Variants in GLYR1 observed in about 807,000 individuals in gnomAD.
GLYR1 encodes the protein glyoxylate reductase 1 homolog, also known as cytokine-like nuclear factor N-PAC.
A neutral mutation model predicts 72.7 loss-of-function variants in GLYR1; 21 were observed. The ratio of observed to expected loss-of-function variants is 0.29; its 90% confidence interval spans 0.20 to 0.42. GLYR1 has a LOEUF of 0.42. Ranked by LOEUF, GLYR1 falls within the 10% of genes least tolerant of loss-of-function variation. The pLI is 1.00. For synonymous variants in GLYR1, 392 were observed against 270.2 expected, an observed-to-expected ratio of 1.45 and a Z score of -4.42; for missense variants, 594 against 712.1, an observed-to-expected ratio of 0.83 and a Z score of 1.89.
rs758472838 is a variant in GLYR1, at chr16:4,833,561, C to T, written c.156-649G>A. Among the ~76,000 whole-genome samples the T allele has an allele frequency of 4.5e-4, 68 of 150,808 alleles. 2 individuals carry two copies. Among genetic ancestry groups the T allele is most frequent in the Admixed American group, 4.3e-3 (65 of 15,114 alleles). On this transcript the variant is annotated intron_variant, in intron 3 of 15. Coordinates refer to ENST00000321919, the MANE Select transcript of GLYR1 (RefSeq NM_032569.4). Reference sequence around the variant, plus strand: ...CATGGCTACTAAACCACACAAAACACGGAACACATGGTTTGGAATAAGGGC... The same window carrying T: ...CATGGCTACTAAACCACACAAAACATGGAACACATGGTTTGGAATAAGGGC...
rs1037027393 is a variant in GLYR1 at position 4,847,153 on chromosome 16, G to C, written c.38+75C>G. The C allele has an allele frequency of 8.5e-6, 12 of 1,408,830 alleles. No homozygotes were observed. The African/African-American group carries it at 1.7e-4, about 20-fold the overall frequency. The allele number at this position is 1,408,830 out of a possible 1,614,324, so 87.3% of individuals were successfully genotyped here. On this transcript the variant is annotated intron_variant, in intron 1 of 15. Transcript: ENST00000321919. Reference sequence around the variant, plus strand: ...TGGAGCGCATAAAAAGGCAGCTCCAGGGCCGGCAGCGAACCCCGCGCCCAG... The same window carrying C: ...TGGAGCGCATAAAAAGGCAGCTCCACGGCCGGCAGCGAACCCCGCGCCCAG...
At chr16:4,845,497 C>T (rs900058579) in intron 2 of GLYR1, among the ~76,000 whole-genome samples, 12 of 152,050 alleles carry the variant, frequency 7.9e-5, no homozygotes, top group Admixed American at 7.9e-4. Context: ...CCCCCACCAC[C>T]CCACCCCTGC....
chr16:4,842,781 C>A (rs1191589662), intron 3 of GLYR1, among the ~76,000 whole-genome samples: 1 of 152,150 alleles, frequency 6.6e-6, no homozygotes, highest in Non-Finnish European at 1.5e-5. Context: ...CTCACTGCAA[C>A]CTCCGCATCC....
chr16:4,833,031 C>A (rs1389815539), intron 3 of GLYR1, 119 bp from the exon 4 acceptor site: 2 of 883,498 alleles, frequency 2.3e-6, no homozygotes, highest in Non-Finnish European at 3.3e-6. Context: ...TTGCAATAGG[C>A]CTTGCCATTT....
intron 3 of GLYR1, among the ~76,000 whole-genome samples, chr16:4,835,472 T>A (rs556483542): frequency 1.3e-5 from 2 of 152,288 alleles, no homozygotes; most frequent in East Asian, 3.9e-4. Flanking sequence ...CCAAGAAATG[T>A]TAATCTATTT....
intron 5 of GLYR1, among the ~76,000 whole-genome samples, chr16:4,824,232 T>C (rs1262187446): frequency 6.6e-6 from 1 of 152,050 alleles, no homozygotes; most frequent in Admixed American, 6.6e-5. Context: ...ACAGTTGTGG[T>C]GGCTGGGCGT....
intron 1 of GLYR1, chr16:4,846,735 C>T (rs2086125858): frequency 4.4e-6 from 1 of 224,876 alleles, no homozygotes; most frequent in Non-Finnish European, 9.0e-6. Context: ...AGAAGTCCCC[C>T]CGCCGTTTCT....
At chr16:4,811,457 T>A (rs528641372) in intron 14 of GLYR1, among the ~76,000 whole-genome samples, 163 bp from the exon 15 acceptor site, 58 of 152,234 alleles carry the variant, frequency 3.8e-4, no homozygotes, top group African/African-American at 1.3e-3. Context: ...GGGCTGCAGC[T>A]CCCAGCCTAT....
At chr16:4,842,861 G>A (rs896992261) in intron 3 of GLYR1, among the ~76,000 whole-genome samples, 3 of 151,842 alleles carry the variant, frequency 2.0e-5, no homozygotes, top group South Asian at 2.1e-4. Flanking sequence ...CACCACACCC[G>A]ACTAATTTTT....
intron 7 of GLYR1, among the ~76,000 whole-genome samples, chr16:4,822,627 G>A (rs9926458): frequency 0.39 from 59,862 of 152,088 alleles, 11,958 homozygotes; most frequent in Admixed American, 0.48. Context: ...CTAACCTCAT[G>A]ATCCACCTGC....
chr16:4,828,439 T>C (rs2084570681), intron 5 of GLYR1, among the ~76,000 whole-genome samples: 1 of 152,056 alleles, frequency 6.6e-6, no homozygotes, highest in Non-Finnish European at 1.5e-5. Flanking sequence ...AACCTAACTT[T>C]AACATGCAAT....
chr16:4,825,826 G>C (rs2084347777), intron 5 of GLYR1, among the ~76,000 whole-genome samples: 1 of 151,176 alleles, frequency 6.6e-6, no homozygotes, highest in Admixed American at 6.6e-5. Flanking sequence ...CTAATTTTTT[G>C]TATTTTTAGT....
intron 3 of GLYR1, chr16:4,843,354 C>T: frequency 1.9e-6 from 1 of 514,404 alleles, no homozygotes; most frequent in Non-Finnish European, 2.7e-6. Flanking sequence ...GGGGTTTTGC[C>T]ATGTTGGCCA....
intron 13 of GLYR1, 116 bp from the exon 14 acceptor site, chr16:4,811,918 C>T: frequency 4.2e-6 from 6 of 1,412,008 alleles, no homozygotes; most frequent in Non-Finnish European, 5.7e-6. Flanking sequence ...CCTTCACCTG[C>T]CCCCGACAGA....
chr16:4,846,038 G>C, intron 2 of GLYR1, 136 bp downstream of exon 2: 1 of 880,216 alleles, frequency 1.1e-6, no homozygotes, highest in Non-Finnish European at 1.9e-6. Flanking sequence ...ACCGATACTA[G>C]GGGAAAAAAA....
At chr16:4,820,508 T>A (rs889476108) in intron 9 of GLYR1, among the ~76,000 whole-genome samples, 1 of 152,210 alleles carries the variant, frequency 6.6e-6, no homozygotes, top group Non-Finnish European at 1.5e-5. Context: ...TTTTTTTATT[T>A]TTATTTTTTT....
intron 3 of GLYR1, chr16:4,843,729 G>A (rs2085730600): frequency 3.1e-6 from 3 of 971,408 alleles, no homozygotes; most frequent in Non-Finnish European, 4.1e-6. Context: ...TACCAGAGAA[G>A]CCACAGACAT....
chr16:4,838,013 C>T lies in GLYR1; in HGVS notation c.156-5101G>A, dbSNP rs1346826642. Among the ~76,000 whole-genome samples, 41 of 151,374 alleles carry T rather than the reference C, an allele frequency of 2.7e-4. 1 individual carries two copies. The highest frequency in any genetic ancestry group is 2.7e-3 in the Admixed American group (41 of 15,192). ...AATACAGGTGAGAACAAAGATGGGG[C>T]CAGAAGGTGTGGGTTTGCTTCTCCA... On this transcript the variant is annotated intron_variant, in intron 3 of 15. Coordinates refer to ENST00000321919, the MANE Select transcript of GLYR1 (RefSeq NM_032569.4).
chr16:4,822,147 C>A (rs191778280), intron 7 of GLYR1, among the ~76,000 whole-genome samples: 1 of 152,366 alleles, frequency 6.6e-6, no homozygotes, highest in Non-Finnish European at 1.5e-5. Flanking sequence ...AGTGCAGTGG[C>A]ACCATCTCGG....
Sources: gnomAD v4.1 joint callset for allele counts (sites outside exome capture counted in the v4.1 genomes callset) on GRCh38, gnomAD v4.1.1 for gene constraint, MANE v1.5 for transcripts, NCBI Gene and HGNC (gene_info 2026-07-23, HGNC 2026-07-21) for gene names.